BICD1: variants seen among roughly 807,000 people sequenced by gnomAD.
The protein encoded by BICD1 is BICD cargo adaptor 1.
In BICD1, 35 loss-of-function variants were observed where a neutral mutation model predicts 92.5. The observed-to-expected ratio is 0.38, with a 90% CI of 0.29 to 0.50. BICD1 has a LOEUF of 0.50. BICD1 is among the 20% of genes least tolerant of loss of function. BICD1 has a pLI of 0.93. For missense variants in BICD1, 950 were observed against 1,189.8 expected, an observed-to-expected ratio of 0.80 and a Z score of 2.97; for synonymous variants, 429 against 465.1, an observed-to-expected ratio of 0.92 and a Z score of 1.00.
intron 1 of BICD1, among the ~76,000 whole-genome samples, chr12:32,196,874 C>T (rs914716443): frequency 1.3e-5 from 2 of 152,192 alleles, no homozygotes; most frequent in Admixed American, 1.3e-4. Flanking sequence ...ATCAAATCAT[C>T]ATGTTGTACG....
intron 8 of BICD1, among the ~76,000 whole-genome samples, chr12:32,367,266 C>G (rs909153061): frequency 2.6e-5 from 4 of 152,168 alleles, no homozygotes; most frequent in Non-Finnish European, 5.9e-5. Flanking sequence ...AGTCAGTTAT[C>G]TGAATGCGTT....
At chr12:32,156,730 A>G (rs2121465164) in intron 1 of BICD1, among the ~76,000 whole-genome samples, 1 of 152,336 alleles carries the variant, frequency 6.6e-6, no homozygotes, top group East Asian at 1.9e-4. Flanking sequence ...GGTATTATTT[A>G]CCCCACGGAG....
At chr12:32,247,239 A>G (rs1303605007) in intron 2 of BICD1, among the ~76,000 whole-genome samples, 2 of 140,232 alleles carry the variant, frequency 1.4e-5, no homozygotes, top group Non-Finnish European at 3.2e-5. Flanking sequence ...CCTGTATCAA[A>G]AAAAAAAAAA....
chr12:32,216,081 G>C (rs535440420), intron 1 of BICD1, among the ~76,000 whole-genome samples, 166 bp from the exon 2 acceptor site: 73 of 151,072 alleles, frequency 4.8e-4, no homozygotes, highest in Non-Finnish European at 8.5e-4. Context: ...TAAGCGAATT[G>C]AATTATTTCA....
chr12:32,321,763 C>A (rs1948665201), intron 4 of BICD1, among the ~76,000 whole-genome samples: 1 of 152,172 alleles, frequency 6.6e-6, no homozygotes, highest in Admixed American at 6.5e-5. Flanking sequence ...CTTTTGGAGG[C>A]CAAGGCGGGT....
chr12:32,233,311 G>A (rs1246509655), intron 2 of BICD1, among the ~76,000 whole-genome samples: 1 of 66,488 alleles, frequency 1.5e-5, no homozygotes, highest in Non-Finnish European at 3.3e-5. Context: ...GACAGAGCAA[G>A]AGTCTGTCTT....
At chr12:32,166,139 T>TTTATTTATTTA (rs1473953225) in intron 1 of BICD1, among the ~76,000 whole-genome samples, 5 of 3,254 alleles carry the variant, frequency 1.5e-3, no homozygotes, top group East Asian at 0.02. Context: ...TATTTATTTA[T>TTTATTTATTTA]TTATTTATTT....
At chr12:32,171,162 C>T (rs1943924117) in intron 1 of BICD1, among the ~76,000 whole-genome samples, 1 of 152,188 alleles carries the variant, frequency 6.6e-6, no homozygotes, top group East Asian at 1.9e-4. Flanking sequence ...TGAAAGCAGA[C>T]ATGGTTACTT....
intron 2 of BICD1, among the ~76,000 whole-genome samples, chr12:32,234,606 A>AAAAGAAAG (rs533023539): frequency 6.8e-6 from 1 of 146,654 alleles, no homozygotes; most frequent in Non-Finnish European, 1.5e-5. Context: ...CAAAAAAAAA[A>AAAAGAAAG]AAAGAAAGAA....
chr12:32,367,114 TATATAA>T (rs1939552771), intron 8 of BICD1, among the ~76,000 whole-genome samples: 1 of 152,236 alleles, frequency 6.6e-6, no homozygotes, highest in South Asian at 2.1e-4. Flanking sequence ...CTATTGTCAA[TATATAA>T]AATCAATTTT....
intron 3 of BICD1, among the ~76,000 whole-genome samples, chr12:32,298,897 A>G (rs989855961): frequency 3.8e-4 from 57 of 151,614 alleles, no homozygotes; most frequent in Non-Finnish European, 5.9e-5. Context: ...AAAGAATATC[A>G]TAAGGTAATA....
rs1169384075 is a variant in BICD1 at position 32,380,930 on chromosome 12, A to G, written c.*3303A>G. ...GATGTATAGTAACTCTAGGAAAGAG[A>G]TTTTTAACACTGGGAAATTAACGTG... On this transcript the variant is annotated 3_prime_UTR_variant, in exon 10 of 10. Transcript: ENST00000652176. The G allele has an allele frequency of 3.9e-5, 6 of 152,122 alleles. No individual in the cohort carries two copies. The highest frequency in any genetic ancestry group is 8.8e-5 in the Non-Finnish European group (6 of 67,990). The allele number at this position is 152,122 out of a possible 1,614,324, so 9.4% of individuals were successfully genotyped here. A position where few individuals can be genotyped will look rare whatever the true frequency, so the allele number is the denominator to read the frequency against.
At chr12:32,349,625 C>T (rs192564695) in intron 8 of BICD1, among the ~76,000 whole-genome samples, 1 of 150,564 alleles carries the variant, frequency 6.6e-6, no homozygotes. Context: ...GCATACTATA[C>T]CATACTTATA....
chr12:32,254,193 CCCACCTGCCATAATCACTGCCATATT>C (rs1946656251), intron 2 of BICD1, among the ~76,000 whole-genome samples: 1 of 147,978 alleles, frequency 6.8e-6, no homozygotes, highest in South Asian at 2.2e-4. Context: ...ACTGCCGAAT[CCCACCTGCCATAATCACTGCCATATT>C]CCACATGTCA....
Position 32,225,621 on chromosome 12 carries a change from G to GTTTTTTTTT in BICD1, c.426+9174_426+9182dup, listed in dbSNP as rs58895470. Among the ~76,000 whole-genome samples the GTTTTTTTTT allele has an allele frequency of 1.4e-3, 130 of 92,778 alleles. 3 individuals carry two copies. Among genetic ancestry groups the GTTTTTTTTT allele is most frequent in the African/African-American group, 3.5e-3 (97 of 27,396 alleles). 60.9% of individuals were successfully genotyped at this position (92,778 alleles called of 152,430 possible). On this transcript the variant is annotated intron_variant, in intron 2 of 9. Transcript: ENST00000652176. ...TGGTATTTGACAGTTCTTTTTTTCTGTTTTTTTTTTTTTTTTTTTTAGACG... is the reference window on the plus strand; with the variant it reads ...TGGTATTTGACAGTTCTTTTTTTCTGTTTTTTTTTTTTTTTTTTTTTTTTTTTTTAGACG...
intron 2 of BICD1, among the ~76,000 whole-genome samples, chr12:32,267,315 G>A (rs7310041): frequency 0.16 from 24,452 of 152,024 alleles, 2,223 homozygotes; most frequent in African/African-American, 0.25. Context: ...TTATTGATTA[G>A]GTCTCTTTTA....
chr12:32,117,947 T>C (rs975711801), intron 1 of BICD1, among the ~76,000 whole-genome samples: 1 of 151,068 alleles, frequency 6.6e-6, no homozygotes, highest in Non-Finnish European at 1.5e-5. Context: ...ACAGGGTTTC[T>C]CCATGTTGGT....
At chr12:32,143,218 C>T (rs1943001519) in intron 1 of BICD1, among the ~76,000 whole-genome samples, 1 of 152,106 alleles carries the variant, frequency 6.6e-6, no homozygotes, top group Non-Finnish European at 1.5e-5. Context: ...ATTCATGTAG[C>T]CACCACCCAG....
chr12:32,161,471 G>A (rs1228499568), intron 1 of BICD1, among the ~76,000 whole-genome samples: 2 of 152,130 alleles, frequency 1.3e-5, no homozygotes, highest in African/African-American at 4.8e-5. Flanking sequence ...AGTCTTGGAT[G>A]TTTTACATTG....
Sources: allele counts gnomAD v4.1 joint callset (sites outside exome capture counted in the v4.1 genomes callset), GRCh38; gene constraint gnomAD v4.1.1; transcripts MANE v1.5; gene names NCBI Gene and HGNC (gene_info 2026-07-23, HGNC 2026-07-21).